Variants in ICMT observed in about 807,000 individuals in gnomAD.
ICMT encodes isoprenylcysteine carboxyl methyltransferase.
ICMT carries 10 observed loss-of-function variants against 32.2 expected under a neutral mutation model. The ratio of observed to expected loss-of-function variants is 0.31; its 90% confidence interval spans 0.19 to 0.53. The LOEUF is 0.53. Among genes scored for constraint, ICMT ranks in the 20% least tolerant of loss-of-function variants. ICMT has a pLI of 0.96. For synonymous variants in ICMT, 183 were observed against 158.2 expected (o/e 1.16, Z -1.18); for missense variants, 265 against 356.9 (o/e 0.74, Z 2.07).
chr1:6,235,708 G>T lies in ICMT; in HGVS notation c.195+9C>A, dbSNP rs1668814086. The T allele has an allele frequency of 1.6e-6, 2 of 1,230,944 alleles. No homozygotes were observed. Among genetic ancestry groups the T allele is most frequent in the Non-Finnish European group, 1.0e-6 (1 of 982,912 alleles). The allele number at this position is 1,230,944 out of a possible 1,614,324, so 76.3% of individuals were successfully genotyped here. A position where few individuals can be genotyped will look rare whatever the true frequency, so the allele number is the denominator to read the frequency against. ...CCGCCGGCCCCCGCCGGCCCCCGCCGGCCTGCACCTGGTAGCGAGGCGGCC... is the reference window on the plus strand; with the variant it reads ...CCGCCGGCCCCCGCCGGCCCCCGCCTGCCTGCACCTGGTAGCGAGGCGGCC... On this transcript the variant is annotated intron_variant, in intron 1 of 4. Coordinates refer to ENST00000343813, the MANE Select transcript of ICMT (RefSeq NM_012405.4).
At chr1:6,234,633 C>T in intron 2 of ICMT, 3 of 537,850 alleles carry the variant, frequency 5.6e-6, no homozygotes, top group East Asian at 3.7e-5. Flanking sequence ...GCTGTCACCA[C>T]AGCTGCGGAT....
rs546377348 is a variant in ICMT at position 6,230,284 on chromosome 1, T to C, written c.672+1618A>G. On this transcript the variant is annotated intron_variant, in intron 4 of 4. Transcript: ENST00000343813. ...CATGTGCCACCAGGCCCAACTAATTTTTGTATTTTTAATAGAGATGGGGTT... is the reference window on the plus strand; with the variant it reads ...CATGTGCCACCAGGCCCAACTAATTCTTGTATTTTTAATAGAGATGGGGTT... Among the ~76,000 whole-genome samples, 3 of 152,210 alleles carry C rather than the reference T, an allele frequency of 2.0e-5. No individual in the cohort carries two copies. In the South Asian group the frequency reaches 6.2e-4, roughly 32 times the overall value.
rs971447681 is a variant in ICMT at position 6,224,923 on chromosome 1, C to T, written c.*157G>A. 2 of 720,286 alleles carry T rather than the reference C, an allele frequency of 2.8e-6. No homozygotes were observed. The highest frequency in any genetic ancestry group is 4.7e-6 in the Non-Finnish European group (2 of 425,860). 44.6% of individuals were successfully genotyped at this position (720,286 alleles called of 1,614,324 possible). Reference sequence around the variant, plus strand: ...CTGCTCCAGTGGGGCCTTGGGTCCTCAGGCCTTCTGACCGCTTGGTCTTGA... The same window carrying T: ...CTGCTCCAGTGGGGCCTTGGGTCCTTAGGCCTTCTGACCGCTTGGTCTTGA... On this transcript the variant is annotated 3_prime_UTR_variant, in exon 5 of 5. Coordinates refer to ENST00000343813, the MANE Select transcript of ICMT (RefSeq NM_012405.4).
chr1:6,221,433 C>A lies in ICMT; in HGVS notation c.*3647G>T, dbSNP rs945157251. 1 of 152,640 alleles carries A rather than the reference C, an allele frequency of 6.6e-6. No individual in the cohort carries two copies. The highest frequency in any genetic ancestry group is 1.5e-5 in the Non-Finnish European group (1 of 68,056). 9.5% of individuals were successfully genotyped at this position (152,640 alleles called of 1,614,324 possible). On this transcript the variant is annotated 3_prime_UTR_variant, in exon 5 of 5. Coordinates refer to ENST00000343813, the MANE Select transcript of ICMT (RefSeq NM_012405.4). ...GCAGTGGCCCAGAGAGTAGGCACTT[C>A]CCAGCATGACAGAGAGGCCGAGGCC...
chr1:6,231,726 A>G (rs1668739909), intron 4 of ICMT, among the ~76,000 whole-genome samples, 176 bp downstream of exon 4: 1 of 152,136 alleles, frequency 6.6e-6, no homozygotes, highest in African/African-American at 2.4e-5. Context: ...ATCACTTGAA[A>G]CGCGCCAAGA....
rs1339028953 is a variant in ICMT, at chr1:6,221,242, G to T, written c.*3838C>A. 6.6e-6 allele frequency: 1 copy of T among 152,576 alleles called. No individual in the cohort carries two copies. Among genetic ancestry groups the T allele is most frequent in the East Asian group, 1.9e-4 (1 of 5,204 alleles). The allele number at this position is 152,576 out of a possible 1,614,324, so 9.5% of individuals were successfully genotyped here. ...ATTTAAGAACTGGAAAGAATAATCAGTATCTGTGAAAGAAAATCCAATTTA... is the reference window on the plus strand; with the variant it reads ...ATTTAAGAACTGGAAAGAATAATCATTATCTGTGAAAGAAAATCCAATTTA... On this transcript the variant is annotated 3_prime_UTR_variant, in exon 5 of 5. Transcript: ENST00000343813.
intron 2 of ICMT, 94 bp from the exon 3 acceptor site, chr1:6,233,737 T>C (rs984949427): frequency 6.1e-6 from 6 of 990,820 alleles, no homozygotes; most frequent in Admixed American, 4.5e-5. Flanking sequence ...CCTAAGTCTA[T>C]GAGGCCCTGT....
chr1:6,234,985 C>T lies in ICMT; in HGVS notation c.196-11G>A. 6.2e-7 allele frequency: 1 copy of T among 1,610,380 alleles called. No individual in the cohort carries two copies. The highest frequency in any genetic ancestry group is 2.2e-5 in the East Asian group (1 of 44,862). ...AGCTCGGATGGCTATCTGAAAGGAACCCAAGAGAAGCTCAGTCATTCACAG... is the reference window on the plus strand; with the variant it reads ...AGCTCGGATGGCTATCTGAAAGGAATCCAAGAGAAGCTCAGTCATTCACAG... On this transcript the variant is annotated splice_polypyrimidine_tract_variant and intron_variant, in intron 1 of 4. Coordinates refer to ENST00000343813, the MANE Select transcript of ICMT (RefSeq NM_012405.4).
chr1:6,234,223 AGGCATTATG>A (rs1407273975), intron 2 of ICMT, among the ~76,000 whole-genome samples: 2 of 152,198 alleles, frequency 1.3e-5, no homozygotes, highest in African/African-American at 4.8e-5. Context: ...TAGGTCACAG[AGGCATTATG>A]GGCCCTTCTG....
At position 6,224,093 on chromosome 1, in the gene ICMT, A is replaced by G. The variant is rs1278351410; in HGVS notation, c.*987T>C. Reference sequence around the variant, plus strand: ...TTGGAAAACAGTTTGAAATGACATGAGGGACAATGTAATTTTGAGAACAGA... The same window carrying G: ...TTGGAAAACAGTTTGAAATGACATGGGGGACAATGTAATTTTGAGAACAGA... On this transcript the variant is annotated 3_prime_UTR_variant, in exon 5 of 5. Coordinates refer to ENST00000343813, the MANE Select transcript of ICMT (RefSeq NM_012405.4). 6.6e-6 allele frequency: 1 copy of G among 152,188 alleles called. No homozygotes were observed. The highest frequency in any genetic ancestry group is 3.2e-3 in the Middle Eastern group (1 of 316). The allele number at this position is 152,188 out of a possible 1,614,324, so 9.4% of individuals were successfully genotyped here.
At chr1:6,231,037 C>A (rs1161927760) in intron 4 of ICMT, among the ~76,000 whole-genome samples, 1 of 150,816 alleles carries the variant, frequency 6.6e-6, no homozygotes, top group Admixed American at 6.6e-5. Context: ...CCTGTCTCTA[C>A]AAAAAAAATA....
In ICMT at chr1:6,233,484, G is replaced by A; in HGVS notation, c.444C>T (p.Ile148=). 1 of 1,613,502 alleles carries A rather than the reference G, an allele frequency of 6.2e-7. No individual in the cohort carries two copies. Among genetic ancestry groups the A allele is most frequent in the Non-Finnish European group, 8.5e-7 (1 of 1,179,828 alleles). ...ATAAGGCACACGAACCTGGCCAAAA[G>A]ATATTTTCAAGTGTGAACTCTAACC... ...SSWLEFTLEN[I]FWPELKQITW... is the part of the protein sequence containing the mutation. The change falls in exon 3 of 5, where the codon ATC becomes ATT. Residue 148 remains isoleucine (I), a synonymous_variant. Transcript: ENST00000343813.
rs564071041 is a variant in ICMT, at chr1:6,225,119, C to T, written c.816G>A (p.Thr272=). 346 of 1,614,074 alleles carry T rather than the reference C, an allele frequency of 2.1e-4. 7 individuals are homozygous for T. In the South Asian group the frequency reaches 3.2e-3, roughly 15 times the overall value. The change falls in exon 5 of 5, where the codon ACG becomes ACA. Residue 272 remains threonine (T), a synonymous_variant. Coordinates refer to ENST00000343813, the MANE Select transcript of ICMT (RefSeq NM_012405.4). ...EYLEYKKRVP[T]GLPFIKGVKV... ...TGACCCCCTTTATGAAAGGCAGGCC[C>T]GTGGGCACCCTCTTCTTATACTCCA...
In ICMT at chr1:6,222,340, T is replaced by G. The variant is rs962810242; in HGVS notation, c.*2740A>C. 1 of 152,506 alleles carries G rather than the reference T, an allele frequency of 6.6e-6. No individual in the cohort carries two copies. Among genetic ancestry groups the G allele is most frequent in the African/African-American group, 2.4e-5 (1 of 41,476 alleles). 9.4% of individuals were successfully genotyped at this position (152,506 alleles called of 1,614,324 possible). ...CAGGAGGCTGAGGCAGGAGAATCGCTTGAACCCGGGAGGCAGAGGTTGCGG... is the reference window on the plus strand; with the variant it reads ...CAGGAGGCTGAGGCAGGAGAATCGCGTGAACCCGGGAGGCAGAGGTTGCGG... On this transcript the variant is annotated 3_prime_UTR_variant, in exon 5 of 5. Coordinates refer to ENST00000343813, the MANE Select transcript of ICMT (RefSeq NM_012405.4).
At chr1:6,234,056 C>G (rs1342896329) in intron 2 of ICMT, among the ~76,000 whole-genome samples, 1 of 152,156 alleles carries the variant, frequency 6.6e-6, no homozygotes, top group Admixed American at 6.5e-5. Flanking sequence ...GCTATGTTGG[C>G]AAGGCTGGTC....
In ICMT at chr1:6,222,585, C is replaced by G. The variant is rs1668573203; in HGVS notation, c.*2495G>C. 6.6e-6 allele frequency: 1 copy of G among 152,276 alleles called. No homozygotes were observed. The highest frequency in any genetic ancestry group is 1.5e-5 in the Non-Finnish European group (1 of 68,058). 9.4% of individuals were successfully genotyped at this position (152,276 alleles called of 1,614,324 possible). On this transcript the variant is annotated 3_prime_UTR_variant, in exon 5 of 5. Coordinates refer to ENST00000343813, the MANE Select transcript of ICMT (RefSeq NM_012405.4). ...TCAAGTTTTCCCTGGTGTCAGACAG[C>G]ATTTCACCATGAAACCCTAAGACCT...
rs1196590400 is a variant in ICMT, at chr1:6,225,218, T to C, written c.717A>G (p.Thr239=). 7 of 1,613,956 alleles carry C rather than the reference T, an allele frequency of 4.3e-6. No individual in the cohort carries two copies. The African/African-American group carries it at 6.7e-5, about 15-fold the overall frequency. The change falls in exon 5 of 5, where the codon ACA becomes ACG. Residue 239 remains threonine (T), a synonymous_variant. Coordinates refer to ENST00000343813, the MANE Select transcript of ICMT (RefSeq NM_012405.4). ...NPICGVSYAL[T]VWRFFRDRTE... ...TTCGATCGCGGAAGAATCGCCACAC[T>C]GTCAGGGCATAGCTGACGCCGCAGA... is the stretch of plus-strand genomic sequence containing the variant.
chr1:6,226,118 G>A (rs539283614), intron 4 of ICMT, among the ~76,000 whole-genome samples: 1 of 152,302 alleles, frequency 6.6e-6, no homozygotes, highest in South Asian at 2.1e-4. Flanking sequence ...ATCCTGGCCA[G>A]GTACGGTGGC....
rs1380403260 is a variant in ICMT, at chr1:6,232,022, A to G, written c.552T>C (p.Asn184=). The change falls in exon 4 of 5, where the codon AAT becomes AAC. Residue 184 remains asparagine (N), a synonymous_variant. Transcript: ENST00000343813. ...RKAAMFTAGS[N]FNHVVQNEKS... ...TTTCATTCTGTACCACGTGGTTGAA[A>G]TTGGAGCCAGCTGTAAACATGGCCG... is the stretch of plus-strand genomic sequence containing the variant. 1 of 1,614,166 alleles carries G rather than the reference A, an allele frequency of 6.2e-7. No homozygotes were observed. The highest frequency in any genetic ancestry group is 8.5e-7 in the Non-Finnish European group (1 of 1,180,026).
Sources: allele counts gnomAD v4.1 joint callset (sites outside exome capture counted in the v4.1 genomes callset), GRCh38; gene constraint gnomAD v4.1.1; transcripts MANE v1.5; gene names NCBI Gene and HGNC (gene_info 2026-07-23, HGNC 2026-07-21).